The following NEK11 variants were observed in gnomAD, a reference collection of about 807,000 sequenced individuals.
NEK11 encodes the protein serine/threonine-protein kinase Nek11.
In NEK11, 72 loss-of-function variants were observed where a neutral mutation model predicts 80.7. The ratio of observed to expected loss-of-function variants is 0.89; its 90% confidence interval spans 0.74 to 1.08. The LOEUF is 1.08. NEK11 is among the 50% of genes least tolerant of loss of function. The probability of loss-of-function intolerance (pLI) is 0.00; values close to 1 mark genes in which losing one functional copy is unlikely to be tolerated. For missense variants in NEK11, 764 were observed against 763.6 expected, an observed-to-expected ratio of 1.00 and a Z score of -0.01; for synonymous variants, 251 against 260.7, an observed-to-expected ratio of 0.96 and a Z score of 0.36.
At chr3:131,226,463 G>A (rs767712824) in intron 14 of NEK11, among the ~76,000 whole-genome samples, 2 of 152,022 alleles carry the variant, frequency 1.3e-5, no homozygotes, top group Non-Finnish European at 2.9e-5. Flanking sequence ...AAGAAAATGT[G>A]GCATATATAC....
At chr3:131,162,265 C>A in intron 10 of NEK11, 143 bp from the exon 11 acceptor site, 1 of 978,742 alleles carries the variant, frequency 1.0e-6, no homozygotes, top group Non-Finnish European at 1.5e-6. Context: ...TCATTACATA[C>A]CCAAAGCTTA....
At chr3:131,270,635 A>G (rs2108633280) in intron 16 of NEK11, among the ~76,000 whole-genome samples, 1 of 152,318 alleles carries the variant, frequency 6.6e-6, no homozygotes, top group South Asian at 2.1e-4. Context: ...GCCAATAAGA[A>G]ACACTGAAAA....
chr3:131,049,298 T>C (rs2067954954), intron 3 of NEK11, among the ~76,000 whole-genome samples: 1 of 152,200 alleles, frequency 6.6e-6, no homozygotes, highest in South Asian at 2.1e-4. Context: ...CAATTTCAGA[T>C]ACATAATTTC....
chr3:131,304,617 A>C (rs1251093110), intron 17 of NEK11, among the ~76,000 whole-genome samples: 1 of 152,050 alleles, frequency 6.6e-6, no homozygotes, highest in Non-Finnish European at 1.5e-5. Flanking sequence ...ATTGTGGTAC[A>C]GGGTGGTTTC....
At chr3:131,124,802 G>A (rs1227594298) in intron 5 of NEK11, among the ~76,000 whole-genome samples, 1 of 152,172 alleles carries the variant, frequency 6.6e-6, no homozygotes, top group African/African-American at 2.4e-5. Flanking sequence ...TTATTAAATA[G>A]CAAAGTTTTT....
intron 3 of NEK11, among the ~76,000 whole-genome samples, chr3:131,043,690 T>C (rs148623063): frequency 6.6e-6 from 1 of 152,148 alleles, no homozygotes; most frequent in African/African-American, 2.4e-5. Flanking sequence ...AAAACACTCA[T>C]CAGGATATTA....
At chr3:131,270,577 CAA>C (rs2096162916) in intron 16 of NEK11, among the ~76,000 whole-genome samples, 1 of 152,138 alleles carries the variant, frequency 6.6e-6, no homozygotes, top group Non-Finnish European at 1.5e-5. Flanking sequence ...TGACATAAAG[CAA>C]CTACTATTCA....
chr3:131,321,468 A>G (rs1346555977), intron 17 of NEK11, among the ~76,000 whole-genome samples: 1 of 152,218 alleles, frequency 6.6e-6, no homozygotes, highest in East Asian at 1.9e-4. Flanking sequence ...TAAGTTCTCA[A>G]AAGCAATTCC....
At chr3:131,272,346 C>T (rs1301646248) in intron 16 of NEK11, among the ~76,000 whole-genome samples, 1 of 151,738 alleles carries the variant, frequency 6.6e-6, no homozygotes, top group Non-Finnish European at 1.5e-5. Context: ...GATCTAAGGA[C>T]GTGCACAGGG....
chr3:131,187,063 G>C (rs1170266623), intron 14 of NEK11, among the ~76,000 whole-genome samples: 1 of 152,114 alleles, frequency 6.6e-6, no homozygotes, highest in Non-Finnish European at 1.5e-5. Flanking sequence ...GGAAAAGTCT[G>C]TGCTTGTTTC....
intron 17 of NEK11, among the ~76,000 whole-genome samples, chr3:131,296,750 T>C (rs1228350775): frequency 6.6e-6 from 1 of 152,106 alleles, no homozygotes; most frequent in African/African-American, 2.4e-5. Flanking sequence ...CATGCTGGTG[T>C]GCTGCACCCA....
At position 131,290,205 on chromosome 3, in the gene NEK11, C is replaced by T. The variant is rs565628240; in HGVS notation, c.1718+16631C>T. Among the ~76,000 whole-genome samples, 3 of 152,300 alleles carry T rather than the reference C, an allele frequency of 2.0e-5. No homozygotes were observed. In the East Asian group the frequency reaches 5.8e-4, roughly 29 times the overall value. The stretch of plus-strand genomic sequence containing the variant: ...GCAGAGCCCTGTTACAGTTCTTGGT[C>T]ATAGACTTACCCTTGATGCCTGGCA... On this transcript the variant is annotated intron_variant, in intron 17 of 17. Transcript: ENST00000383366.
At chr3:131,040,854 G>A (rs2066372606) in intron 3 of NEK11, among the ~76,000 whole-genome samples, 1 of 152,170 alleles carries the variant, frequency 6.6e-6, no homozygotes, top group Non-Finnish European at 1.5e-5. Flanking sequence ...TCTCCCACAT[G>A]CAGCAGTCAC....
chr3:131,182,866 A>G (rs1047992039), intron 14 of NEK11, among the ~76,000 whole-genome samples: 7 of 152,188 alleles, frequency 4.6e-5, no homozygotes, highest in African/African-American at 1.7e-4. Flanking sequence ...TTCCAGCTCA[A>G]TTCCACATGA....
intron 5 of NEK11, among the ~76,000 whole-genome samples, chr3:131,115,976 TTC>T (rs762050382): frequency 7.2e-6 from 1 of 139,380 alleles, no homozygotes; most frequent in East Asian, 2.1e-4. Context: ...CTTTCTTTCT[TTC>T]TTTCTTTCTT....
intron 17 of NEK11, among the ~76,000 whole-genome samples, chr3:131,334,702 C>T (rs1421770716): frequency 6.6e-6 from 1 of 151,572 alleles, no homozygotes; most frequent in Non-Finnish European, 1.5e-5. Context: ...AAAGGATCAA[C>T]AAAATTGATA....
intron 14 of NEK11, among the ~76,000 whole-genome samples, chr3:131,194,122 A>C (rs1247132311): frequency 6.6e-6 from 1 of 152,214 alleles, no homozygotes; most frequent in Non-Finnish European, 1.5e-5. Context: ...ATTTCAGAGA[A>C]TATCTTTAGA....
chr3:131,209,106 A>C (rs1001890955), intron 14 of NEK11, among the ~76,000 whole-genome samples: 2 of 152,134 alleles, frequency 1.3e-5, no homozygotes, highest in Non-Finnish European at 2.9e-5. Context: ...TGGGTTTGTC[A>C]TAAATAGCTC....
intron 3 of NEK11, among the ~76,000 whole-genome samples, chr3:131,055,789 A>G (rs2069357766): frequency 6.6e-6 from 1 of 152,200 alleles, no homozygotes; most frequent in Non-Finnish European, 1.5e-5. Context: ...TGTTGAGTGT[A>G]TATCTGGTAA....
Sources: gnomAD v4.1 joint callset for allele counts (sites outside exome capture counted in the v4.1 genomes callset) on GRCh38, gnomAD v4.1.1 for gene constraint, MANE v1.5 for transcripts, NCBI Gene and HGNC (gene_info 2026-07-23, HGNC 2026-07-21) for gene names.